MYO1E: variants seen among roughly 807,000 people sequenced by gnomAD.
The protein encoded by MYO1E is unconventional myosin-Ie.
MYO1E carries 68 observed loss-of-function variants against 151.1 expected under a neutral mutation model. The observed-to-expected ratio is 0.45, with a 90% confidence interval of 0.37 to 0.55. MYO1E has a LOEUF of 0.55. MYO1E is among the 20% of genes least tolerant of loss of function. The pLI, the probability that MYO1E is intolerant of heterozygous loss-of-function variation, is 0.00. For missense variants in MYO1E, 1,363 were observed against 1,389.3 expected, an observed-to-expected ratio of 0.98 and a Z score of 0.30; for synonymous variants, 601 against 501.7, an observed-to-expected ratio of 1.20 and a Z score of -2.64.
chr15:59,205,467 C>G lies in MYO1E; in HGVS notation c.1549G>C (p.Gly517Arg). The stretch of plus-strand genomic sequence containing the variant: ...ACATCCCGGTTCCTTTCACAAAAGC[C>G]ATCCATGTCATAGGATACCTGGCCA... ...YAGKVSYDMDGFCERNRDVLF... is the reference protein window; with the variant it reads ...YAGKVSYDMDRFCERNRDVLF... The change falls in exon 15 of 28, where the codon GGC (glycine) becomes CGC (arginine). Residue 517 changes from glycine to arginine, a missense_variant. Coordinates refer to ENST00000288235, the MANE Select transcript of MYO1E (RefSeq NM_004998.4). 6.2e-7 allele frequency: 1 copy of G among 1,614,068 alleles called. No homozygotes were observed. Among genetic ancestry groups the G allele is most frequent in the Non-Finnish European group, 8.5e-7 (1 of 1,179,954 alleles).
chr15:59,163,116 T>A, intron 23 of MYO1E, 41 bp downstream of exon 23: 1 of 1,610,772 alleles, frequency 6.2e-7, no homozygotes, highest in Non-Finnish European at 8.5e-7. Flanking sequence ...AGACCCCTTT[T>A]TAGCTACACG....
At position 59,272,340 on chromosome 15, in the gene MYO1E, T is replaced by A; in HGVS notation, c.113A>T (p.Asn38Ile). The stretch of plus-strand genomic sequence containing the variant: ...GTCATCCATGTATCTCTTCTTCAGA[T>A]TCTCCACGATGGAGTTCTCTGTGAT... ...SKITENSIVE[N>I]LKKRYMDDYI... The change falls in exon 2 of 28, where the codon AAT becomes ATT. Residue 38 changes from asparagine (N) to isoleucine (I), a missense_variant. Transcript: ENST00000288235. 1.2e-6 allele frequency: 2 copies of A among 1,614,162 alleles called. No individual in the cohort carries two copies. The highest frequency in any genetic ancestry group is 1.7e-6 in the Non-Finnish European group (2 of 1,179,982).
At chr15:59,279,982 G>A (rs61143688) in intron 1 of MYO1E, among the ~76,000 whole-genome samples, 4,415 of 152,208 alleles carry the variant, frequency 0.029, 219 homozygotes, top group African/African-American at 0.1. Context: ...TGTGAAAAAA[G>A]TTAGATCAAA....
rs149797303 is a variant in MYO1E, at chr15:59,318,845, G to C, written c.4-46396C>G. 2.6e-4 allele frequency among the ~76,000 whole-genome samples: 39 copies of C among 152,260 alleles called. No individual in the cohort carries two copies. The East Asian group carries it at 7.1e-3, about 28-fold the overall frequency. On this transcript the variant is annotated intron_variant, in intron 1 of 27. Transcript: ENST00000288235. ...ATGAGAAAGTCACTCAAGATTACAC[G>C]AAGAGTAAATTGCAAAGCTGGACTT...
At chr15:59,229,916 G>GT (rs1290133760) in intron 6 of MYO1E, among the ~76,000 whole-genome samples, 1 of 151,250 alleles carries the variant, frequency 6.6e-6, no homozygotes, top group Non-Finnish European at 1.5e-5. Context: ...TCTGTAATCT[G>GT]TTTTTTTAAT....
intron 1 of MYO1E, among the ~76,000 whole-genome samples, chr15:59,338,403 G>A (rs1183591072): frequency 6.6e-6 from 1 of 151,262 alleles, no homozygotes; most frequent in African/African-American, 2.4e-5. Flanking sequence ...CTTGGTCAAT[G>A]AGAGGACTGT....
chr15:59,168,091 T>A (rs2079572240), intron 22 of MYO1E, among the ~76,000 whole-genome samples: 1 of 152,182 alleles, frequency 6.6e-6, no homozygotes, highest in African/African-American at 2.4e-5. Flanking sequence ...CCTGTTGGGA[T>A]CCTATTTTTT....
intron 4 of MYO1E, among the ~76,000 whole-genome samples, chr15:59,240,322 A>G (rs1481160466): frequency 6.6e-6 from 1 of 152,228 alleles, no homozygotes; most frequent in African/African-American, 2.4e-5. Context: ...AATCAAAGTC[A>G]TAACAGACTT....
chr15:59,247,671 A>C (rs543042902), intron 4 of MYO1E, among the ~76,000 whole-genome samples: 4 of 152,186 alleles, frequency 2.6e-5, no homozygotes, highest in African/African-American at 7.2e-5. Context: ...TTTTAAGCAG[A>C]GTGAGCTGGG....
At chr15:59,146,722 T>A (rs1306206272) in intron 26 of MYO1E, among the ~76,000 whole-genome samples, 1 of 148,630 alleles carries the variant, frequency 6.7e-6, no homozygotes, top group Non-Finnish European at 1.5e-5. Context: ...TTACTTATAT[T>A]GTATATATTA....
intron 9 of MYO1E, among the ~76,000 whole-genome samples, chr15:59,220,640 C>A (rs1217822614): frequency 1.3e-5 from 2 of 151,882 alleles, no homozygotes; most frequent in Non-Finnish European, 2.9e-5. Flanking sequence ...CAAATTTATT[C>A]CATAGATATA....
intron 1 of MYO1E, among the ~76,000 whole-genome samples, chr15:59,313,114 A>T (rs780487985): frequency 6.6e-6 from 1 of 152,224 alleles, no homozygotes; most frequent in South Asian, 2.1e-4. Flanking sequence ...AAGGCTTTTG[A>T]GAACCACTGC....
At chr15:59,357,687 T>C (rs2080862891) in intron 1 of MYO1E, among the ~76,000 whole-genome samples, 1 of 151,926 alleles carries the variant, frequency 6.6e-6, no homozygotes, top group Admixed American at 6.6e-5. Flanking sequence ...TGACCTCAGG[T>C]GATCCACCTA....
At chr15:59,340,980 C>T (rs1352830563) in intron 1 of MYO1E, among the ~76,000 whole-genome samples, 1 of 124,274 alleles carries the variant, frequency 8.0e-6, no homozygotes, top group Non-Finnish European at 1.6e-5. Context: ...GATCCCGCCA[C>T]AGCACTCCAG....
intron 7 of MYO1E, 103 bp downstream of exon 7, chr15:59,227,356 T>A: frequency 7.1e-7 from 1 of 1,403,442 alleles, no homozygotes; most frequent in Non-Finnish European, 1.0e-6. Context: ...TCATCATCAG[T>A]CCTCCCTGGC....
At chr15:59,149,492 C>CA (rs1361187358) in intron 26 of MYO1E, among the ~76,000 whole-genome samples, 21 of 152,298 alleles carry the variant, frequency 1.4e-4, no homozygotes, top group African/African-American at 4.3e-4. Flanking sequence ...GCAGATCTCT[C>CA]AGTGTTTCCT....
intron 26 of MYO1E, among the ~76,000 whole-genome samples, chr15:59,151,980 A>G (rs774898761): frequency 1.1e-4 from 17 of 151,954 alleles, no homozygotes; most frequent in Non-Finnish European, 2.1e-4. Flanking sequence ...AGGCAGGGGA[A>G]TCGCTTGAAC....
intron 4 of MYO1E, among the ~76,000 whole-genome samples, chr15:59,242,194 T>C (rs532156705): frequency 6.6e-6 from 1 of 152,366 alleles, no homozygotes; most frequent in Non-Finnish European, 1.5e-5. Flanking sequence ...ATTATTTACT[T>C]AGTTTTCAAA....
In MYO1E at chr15:59,309,847, C is replaced by T. The variant is rs182163548; in HGVS notation, c.4-37398G>A. Among the ~76,000 whole-genome samples, 18 of 152,230 alleles carry T rather than the reference C, an allele frequency of 1.2e-4. No homozygotes were observed. In the East Asian group the frequency reaches 3.1e-3, roughly 26 times the overall value. ...ACAAAGAGAAGCTTGTCTGGATAGG[C>T]CTTCGTATATACTGATAGGGATTAT... is the stretch of plus-strand genomic sequence containing the variant. On this transcript the variant is annotated intron_variant, in intron 1 of 27. Transcript: ENST00000288235.
Sources: allele counts gnomAD v4.1 joint callset (sites outside exome capture counted in the v4.1 genomes callset), GRCh38; gene constraint gnomAD v4.1.1; transcripts MANE v1.5; gene names NCBI Gene and HGNC (gene_info 2026-07-23, HGNC 2026-07-21).